Variants in ZRANB3 observed in about 807,000 individuals in gnomAD.
ZRANB3 encodes the protein zinc finger RANBP2-type containing 3, also known as DNA annealing helicase and endonuclease ZRANB3.
Under a neutral mutation model 133.8 loss-of-function variants are expected in ZRANB3, and 125 were observed. The observed-to-expected ratio is 0.93, with a 90% CI of 0.81 to 1.08. The LOEUF is 1.08. Ranked by LOEUF, ZRANB3 falls within the 50% of genes least tolerant of loss-of-function variation. ZRANB3 has a pLI of 0.00. For missense variants in ZRANB3, 1,229 were observed against 1,275.5 expected (o/e 0.96, Z 0.56); for synonymous variants, 387 against 432.7 (o/e 0.89, Z 1.31).
intron 3 of ZRANB3, among the ~76,000 whole-genome samples, chr2:135,366,414 A>G (rs1388136558): frequency 6.6e-6 from 1 of 152,202 alleles, no homozygotes; most frequent in Non-Finnish European, 1.5e-5. Context: ...GGTTAATCAC[A>G]TCCTCTGCCA....
chr2:135,200,558 GTGGTTGGCTA>G, intron 20 of ZRANB3, 118 bp from the exon 21 acceptor site: 3 of 817,930 alleles, frequency 3.7e-6, no homozygotes, highest in Non-Finnish European at 5.8e-6. Context: ...CCATTTTCCA[GTGGTTGGCTA>G]TGGAAGAGTT....
chr2:135,206,726 G>C (rs944958859), intron 19 of ZRANB3, among the ~76,000 whole-genome samples: 3 of 146,332 alleles, frequency 2.1e-5, no homozygotes, highest in Admixed American at 6.9e-5. Flanking sequence ...GGAAGGGAGA[G>C]AGAGAGAAAG....
At position 135,531,217 on chromosome 2, in the gene ZRANB3, C is replaced by T. The variant is rs1204370489; in HGVS notation, c.-98G>A. On this transcript the variant is annotated 5_prime_UTR_variant, in exon 1 of 21. Transcript: ENST00000264159. ...TTTTACAAGTGGGCAAAATGGCTGT[C>T]CTCCTAGTTTTACCATTGGTTGGCT... The T allele has an allele frequency of 6.6e-6, 1 of 152,258 alleles. No individual in the cohort carries two copies. The highest frequency in any genetic ancestry group is 1.5e-5 in the Non-Finnish European group (1 of 68,128). The allele number at this position is 152,258 out of a possible 1,614,324, so 9.4% of individuals were successfully genotyped here.
At chr2:135,338,200 T>C (rs888189955) in intron 6 of ZRANB3, among the ~76,000 whole-genome samples, 3 of 152,188 alleles carry the variant, frequency 2.0e-5, no homozygotes, top group African/African-American at 7.2e-5. Flanking sequence ...AGATCCAGTA[T>C]TCAATAATTC....
Position 135,320,041 on chromosome 2 carries a change from C to T in ZRANB3, c.678-4511G>A, listed in dbSNP as rs1231433544. ...AAAAAGTGAGTGATTCTTTTTTTTCCCCCCAAGAGATGGGTTCTCACTATG... is the reference window on the plus strand; with the variant it reads ...AAAAAGTGAGTGATTCTTTTTTTTCTCCCCAAGAGATGGGTTCTCACTATG... On this transcript the variant is annotated intron_variant, in intron 6 of 20. Transcript: ENST00000264159. Among the ~76,000 whole-genome samples the T allele has an allele frequency of 2.6e-5, 4 of 151,922 alleles. No homozygotes were observed. In the South Asian group the frequency reaches 8.3e-4, roughly 31 times the overall value.
intron 6 of ZRANB3, among the ~76,000 whole-genome samples, chr2:135,322,972 G>T (rs558317645): frequency 6.6e-6 from 1 of 151,482 alleles, no homozygotes; most frequent in Non-Finnish European, 1.5e-5. Flanking sequence ...AGCCAAGATC[G>T]TGCCACTGCA....
rs1353746656 is a variant in ZRANB3 at position 135,198,659 on chromosome 2, G to A, written c.*1683C>T. On this transcript the variant is annotated 3_prime_UTR_variant, in exon 21 of 21. Coordinates refer to ENST00000264159, the MANE Select transcript of ZRANB3 (RefSeq NM_032143.4). ...AACCCCATGCTGGAGGAAAGGCAGC[G>A]TGCCTGCTTCTTGGCTCTCAACCGT... 1 of 152,166 alleles carries A rather than the reference G, an allele frequency of 6.6e-6. No homozygotes were observed. 9.4% of individuals were successfully genotyped at this position (152,166 alleles called of 1,614,324 possible).
intron 1 of ZRANB3, among the ~76,000 whole-genome samples, chr2:135,508,384 G>C (rs1040010962): frequency 5.9e-5 from 9 of 152,122 alleles, no homozygotes; most frequent in African/African-American, 2.2e-4. Flanking sequence ...TGATCTGCCC[G>C]CCTCTGCCTC....
chr2:135,351,145 G>C (rs1043146268), intron 4 of ZRANB3, among the ~76,000 whole-genome samples: 2 of 151,916 alleles, frequency 1.3e-5, no homozygotes, highest in Non-Finnish European at 2.9e-5. Flanking sequence ...GACAGAGCCA[G>C]TCTTCTTCAA....
chr2:135,431,394 T>A (rs1689317348), intron 2 of ZRANB3, among the ~76,000 whole-genome samples: 1 of 151,406 alleles, frequency 6.6e-6, no homozygotes, highest in Non-Finnish European at 1.5e-5. Context: ...TGTATTTACA[T>A]ACATATTTGG....
chr2:135,236,636 A>G (rs1399783858), intron 12 of ZRANB3, among the ~76,000 whole-genome samples: 3 of 152,192 alleles, frequency 2.0e-5, no homozygotes, highest in African/African-American at 4.8e-5. Context: ...ATAATGCCGC[A>G]TATCTACAAC....
chr2:135,204,786 T>C (rs1340134163), intron 19 of ZRANB3, among the ~76,000 whole-genome samples: 1 of 141,002 alleles, frequency 7.1e-6, no homozygotes, highest in Non-Finnish European at 1.5e-5. Context: ...CTTATATATA[T>C]ACATTATATA....
chr2:135,325,685 G>A (rs984804321), intron 6 of ZRANB3, among the ~76,000 whole-genome samples: 2 of 152,208 alleles, frequency 1.3e-5, no homozygotes, highest in African/African-American at 2.4e-5. Context: ...GTAAGCCACC[G>A]CACCCGGCCA....
intron 6 of ZRANB3, among the ~76,000 whole-genome samples, chr2:135,315,855 A>G (rs1683223873): frequency 6.6e-6 from 1 of 152,192 alleles, no homozygotes. Flanking sequence ...GTGGGCTCAC[A>G]CATGGTGGTG....
intron 12 of ZRANB3, among the ~76,000 whole-genome samples, chr2:135,246,624 ATATAAT>A (rs1435530625): frequency 1.3e-5 from 2 of 152,256 alleles, no homozygotes; most frequent in African/African-American, 2.4e-5. Flanking sequence ...TATGAGAAAA[ATATAAT>A]TATAACAACA....
intron 8 of ZRANB3, among the ~76,000 whole-genome samples, chr2:135,295,027 A>C (rs1009966052): frequency 6.6e-6 from 1 of 152,044 alleles, no homozygotes; most frequent in Non-Finnish European, 1.5e-5. Flanking sequence ...CTATGTGGTT[A>C]ATTTTGGGAT....
chr2:135,421,040 T>C (rs1688823096), intron 2 of ZRANB3, among the ~76,000 whole-genome samples: 2 of 152,134 alleles, frequency 1.3e-5, no homozygotes. Context: ...TCTATATGTA[T>C]TGATATTGTA....
At chr2:135,518,518 C>G (rs1458685539) in intron 1 of ZRANB3, among the ~76,000 whole-genome samples, 3 of 152,184 alleles carry the variant, frequency 2.0e-5, no homozygotes. Context: ...AGGGAGTTCC[C>G]TGACCCCTTG....
intron 2 of ZRANB3, among the ~76,000 whole-genome samples, chr2:135,445,505 G>A (rs891223016): frequency 2.0e-5 from 3 of 152,098 alleles, no homozygotes; most frequent in African/African-American, 7.2e-5. Context: ...GATCAATAGA[G>A]AATGGATTGA....
Sources: gnomAD v4.1 joint callset for allele counts (sites outside exome capture counted in the v4.1 genomes callset) on GRCh38, gnomAD v4.1.1 for gene constraint, MANE v1.5 for transcripts, NCBI Gene and HGNC (gene_info 2026-07-23, HGNC 2026-07-21) for gene names.